POLR3B: variants seen among roughly 807,000 people sequenced by gnomAD.
POLR3B encodes RNA polymerase III subunit B, also known as DNA-directed RNA polymerase III subunit RPC2.
POLR3B carries 96 observed loss-of-function variants against 147.4 expected under a neutral mutation model. The observed-to-expected ratio is 0.65, with a 90% CI of 0.55 to 0.77. The LOEUF is 0.77. POLR3B is among the 30% of genes least tolerant of loss of function. POLR3B has a pLI of 0.00. For synonymous variants in POLR3B, 461 were observed against 485.9 expected (o/e 0.95, Z 0.67); for missense variants, 1,036 against 1,413.5 (o/e 0.73, Z 4.28).
intron 12 of POLR3B, among the ~76,000 whole-genome samples, chr12:106,426,102 C>G (rs2037430219): frequency 2.0e-5 from 3 of 152,036 alleles, no homozygotes; most frequent in Admixed American, 2.0e-4. Context: ...GTATAAGTAT[C>G]TTGAGTGCCC....
intron 2 of POLR3B, 54 bp downstream of exon 2, chr12:106,363,956 G>A: frequency 2.3e-6 from 3 of 1,279,734 alleles, no homozygotes; most frequent in Non-Finnish European, 3.4e-6. Flanking sequence ...AAAAAGTCAA[G>A]AAATAAGCCA....
intron 11 of POLR3B, chr12:106,410,475 T>A (rs2037211053): frequency 7.8e-6 from 2 of 255,076 alleles, no homozygotes; most frequent in Non-Finnish European, 1.5e-5. Flanking sequence ...ATTCTGGAAT[T>A]GGCTGGTATC....
intron 11 of POLR3B, among the ~76,000 whole-genome samples, chr12:106,409,353 TTG>T (rs1239333989): frequency 9.1e-5 from 13 of 142,438 alleles, no homozygotes; most frequent in East Asian, 2.0e-4. Context: ...AGGGTTTTTT[TTG>T]TTTTTTTTTT....
intron 10 of POLR3B, among the ~76,000 whole-genome samples, chr12:106,393,938 TG>T (rs1348889387): frequency 1.3e-5 from 2 of 152,168 alleles, no homozygotes; most frequent in Admixed American, 6.5e-5. Context: ...ATAGCCATCC[TG>T]GGAGGTGGGA....
intron 22 of POLR3B, 143 bp downstream of exon 22, chr12:106,459,511 G>A (rs1470860816): frequency 2.9e-6 from 2 of 691,030 alleles, no homozygotes; most frequent in Non-Finnish European, 5.3e-6. Flanking sequence ...AAAAAGCATG[G>A]CATAGAAGAT....
At chr12:106,497,137 T>A (rs986024562) in intron 25 of POLR3B, among the ~76,000 whole-genome samples, 27 of 80,930 alleles carry the variant, frequency 3.3e-4, no homozygotes, top group South Asian at 2.7e-3. Flanking sequence ...AAAAAAAAAA[T>A]TTTTTTTTTT....
chr12:106,506,846 G>A (rs559350743), intron 27 of POLR3B, among the ~76,000 whole-genome samples: 3 of 152,270 alleles, frequency 2.0e-5, no homozygotes, highest in South Asian at 2.1e-4. Flanking sequence ...GCCGAGGAGC[G>A]TAATGATGCT....
intron 24 of POLR3B, chr12:106,496,513 G>A (rs767989233): frequency 1.5e-5 from 9 of 602,184 alleles, no homozygotes; most frequent in Non-Finnish European, 2.6e-5. Context: ...CCTTGGACAA[G>A]TTGCTTATCC....
intron 18 of POLR3B, among the ~76,000 whole-genome samples, chr12:106,443,345 A>T (rs2037678130): frequency 6.6e-6 from 1 of 152,242 alleles, no homozygotes; most frequent in Admixed American, 6.5e-5. Context: ...AAGATTTTAT[A>T]TAACTGAACT....
chr12:106,424,304 C>T (rs1177289512), intron 12 of POLR3B, among the ~76,000 whole-genome samples: 1 of 152,096 alleles, frequency 6.6e-6, no homozygotes, highest in Non-Finnish European at 1.5e-5. Context: ...GGAGTATATC[C>T]TATCCTGTAT....
chr12:106,374,036 A>G (rs1053388098), intron 6 of POLR3B, among the ~76,000 whole-genome samples: 36 of 152,016 alleles, frequency 2.4e-4, no homozygotes, highest in Admixed American at 1.7e-3. Flanking sequence ...AGTCATATAC[A>G]GTATTTCTGA....
chr12:106,500,881 C>A (rs2038589284), intron 25 of POLR3B, among the ~76,000 whole-genome samples: 3 of 152,130 alleles, frequency 2.0e-5, no homozygotes, highest in Admixed American at 1.3e-4. Flanking sequence ...TGATGGGAAA[C>A]CATTGGTGAG....
chr12:106,381,484 CTT>C (rs1009993660), intron 9 of POLR3B, among the ~76,000 whole-genome samples: 23 of 152,178 alleles, frequency 1.5e-4, no homozygotes, highest in African/African-American at 5.5e-4. Context: ...CAAGAAATCA[CTT>C]TTTCTGCTCA....
chr12:106,412,589 C>T (rs1261239130), intron 12 of POLR3B, among the ~76,000 whole-genome samples: 1 of 152,184 alleles, frequency 6.6e-6, no homozygotes, highest in African/African-American at 2.4e-5. Context: ...TCCTGATACT[C>T]TTTCAATGAA....
intron 23 of POLR3B, among the ~76,000 whole-genome samples, chr12:106,486,201 A>G (rs1476714501): frequency 6.9e-6 from 1 of 145,618 alleles, no homozygotes; most frequent in African/African-American, 2.5e-5. Context: ...AGGCAGGAGA[A>G]TGATGTGAAC....
Position 106,432,562 on chromosome 12 carries a change from G to C in POLR3B, c.1627+82G>C, listed in dbSNP as rs986237076. On this transcript the variant is annotated intron_variant, in intron 15 of 27. Coordinates refer to ENST00000228347, the MANE Select transcript of POLR3B (RefSeq NM_018082.6). The stretch of plus-strand genomic sequence containing the variant: ...ATCCATTATTATCCTGGTATTTAAA[G>C]CACAGATAGACTTTAATTCTGGGCC... 5 of 1,156,968 alleles carry C rather than the reference G, an allele frequency of 4.3e-6. No homozygotes were observed. In the African/African-American group the frequency reaches 7.6e-5, roughly 17 times the overall value. 71.7% of individuals were successfully genotyped at this position (1,156,968 alleles called of 1,614,324 possible). A position where few individuals can be genotyped will look rare whatever the true frequency, so the allele number is the denominator to read the frequency against.
At chr12:106,412,008 A>G (rs1386483305) in intron 12 of POLR3B, among the ~76,000 whole-genome samples, 1 of 152,156 alleles carries the variant, frequency 6.6e-6, no homozygotes, top group Non-Finnish European at 1.5e-5. Context: ...TTGTATTTTA[A>G]TAGCTACTTT....
At chr12:106,424,923 A>C (rs2037417009) in intron 12 of POLR3B, among the ~76,000 whole-genome samples, 2 of 152,166 alleles carry the variant, frequency 1.3e-5, no homozygotes, top group Admixed American at 1.3e-4. Flanking sequence ...AATTTCTTTC[A>C]GTAATTTTCA....
intron 23 of POLR3B, among the ~76,000 whole-genome samples, chr12:106,493,811 G>C (rs1226803016): frequency 2.0e-5 from 3 of 152,176 alleles, no homozygotes; most frequent in Non-Finnish European, 4.4e-5. Flanking sequence ...CGATTTCATG[G>C]ATCTTTTATC....
Sources: allele counts gnomAD v4.1 joint callset (sites outside exome capture counted in the v4.1 genomes callset), GRCh38; gene constraint gnomAD v4.1.1; transcripts MANE v1.5; gene names NCBI Gene and HGNC (gene_info 2026-07-23, HGNC 2026-07-21).